The following LARGE1 variants were observed in gnomAD, a reference collection of about 807,000 sequenced individuals.
LARGE1 encodes the protein xylosyl- and glucuronyltransferase LARGE1.
In LARGE1, 43 loss-of-function variants were observed where a neutral mutation model predicts 87.6. The ratio of observed to expected loss-of-function variants is 0.49; its 90% CI spans 0.38 to 0.63. The LOEUF is 0.63. Among genes scored for constraint, LARGE1 ranks in the 30% least tolerant of loss-of-function variants. The pLI, the probability that LARGE1 is intolerant of heterozygous loss-of-function variation, is 0.00. For missense variants in LARGE1, 802 were observed against 1,000.2 expected, an observed-to-expected ratio of 0.80 and a Z score of 2.67; for synonymous variants, 434 against 394.6, an observed-to-expected ratio of 1.10 and a Z score of -1.18.
At chr22:33,745,780 T>A (rs2084058516) in intron 2 of LARGE1, among the ~76,000 whole-genome samples, 1 of 152,028 alleles carries the variant, frequency 6.6e-6, no homozygotes, top group Non-Finnish European at 1.5e-5. Flanking sequence ...TGAAAAGTGA[T>A]AAAAGACACA....
intron 7 of LARGE1, among the ~76,000 whole-genome samples, chr22:33,402,901 A>G (rs749841121): frequency 9.9e-5 from 15 of 152,164 alleles, no homozygotes; most frequent in Non-Finnish European, 1.8e-4. Context: ...TCTATTCCTT[A>G]TAACATCACA....
intron 11 of LARGE1, among the ~76,000 whole-genome samples, chr22:33,183,154 T>C (rs1043697959): frequency 6.6e-6 from 1 of 151,908 alleles, no homozygotes; most frequent in Non-Finnish European, 1.5e-5. Context: ...GTTAACCCAG[T>C]GAAAAACTGG....
chr22:33,200,253 A>G (rs1376705632), intron 11 of LARGE1, among the ~76,000 whole-genome samples: 6 of 152,236 alleles, frequency 3.9e-5, no homozygotes, highest in Non-Finnish European at 1.5e-5. Flanking sequence ...ATAGTAAATA[A>G]GTAAATTATA....
At chr22:33,399,429 A>T (rs1029483283) in intron 7 of LARGE1, among the ~76,000 whole-genome samples, 1 of 152,224 alleles carries the variant, frequency 6.6e-6, no homozygotes, top group African/African-American at 2.4e-5. Flanking sequence ...TATTGTAAAT[A>T]GTGCTGCAAT....
At chr22:33,436,185 C>A (rs1232934875) in intron 6 of LARGE1, among the ~76,000 whole-genome samples, 1 of 152,210 alleles carries the variant, frequency 6.6e-6, no homozygotes, top group Non-Finnish European at 1.5e-5. Context: ...CTTAACCTAT[C>A]TCTGCCTTGG....
At chr22:33,679,489 C>T (rs1214125337) in intron 2 of LARGE1, among the ~76,000 whole-genome samples, 4 of 152,176 alleles carry the variant, frequency 2.6e-5, no homozygotes, top group African/African-American at 4.8e-5. Context: ...CACACACACA[C>T]ACGAAGAATG....
the LARGE1 span, among the ~76,000 whole-genome samples, chr22:33,089,368 T>TC: frequency 7.2e-3 from 560 of 78,274 alleles, 7 homozygotes; most frequent in African/African-American, 0.024. Context: ...TTCTTCTTCT[T>TC]CTCCTTCTTC....
At position 33,834,554 on chromosome 22, in the gene LARGE1, A is replaced by C. The variant is rs199709571; in HGVS notation, c.-82-72996T>G. On this transcript the variant is annotated intron_variant, in intron 1 of 14. Coordinates refer to ENST00000397394, the MANE Select transcript of LARGE1 (RefSeq NM_133642.5). ...TTCCACTACCTACCCAAATCCTATA[A>C]AACAGCCCCACCCCATCTCCCTTCG... 6.6e-5 allele frequency among the ~76,000 whole-genome samples: 10 copies of C among 152,178 alleles called. No individual in the cohort carries two copies. In the East Asian group the frequency reaches 1.7e-3, roughly 27 times the overall value.
chr22:33,650,498 G>C lies in LARGE1; in HGVS notation c.277C>G (p.His93Asp). 1.2e-6 allele frequency: 2 copies of C among 1,613,592 alleles called. No individual in the cohort carries two copies. The highest frequency in any genetic ancestry group is 1.7e-6 in the Non-Finnish European group (2 of 1,180,032). ...GTCTTGGAGTGGTTGCCTCGGCGAT[G>C]GGATGGGGCTCGGCCCTGGGCCAGG... ...LSLAQGRAPS[H>D]RRGNHSKTYS... Residue 93 changes from histidine to aspartate, a missense_variant, in exon 3 of 15, where the codon CAT (histidine) becomes GAT (aspartate). Physicochemically the swap from His to Asp is moderately conservative, Grantham distance 81. Coordinates refer to ENST00000397394, the MANE Select transcript of LARGE1 (RefSeq NM_133642.5).
intron 1 of LARGE1, among the ~76,000 whole-genome samples, chr22:33,823,175 C>T (rs1392215646): frequency 6.6e-6 from 1 of 152,202 alleles, no homozygotes; most frequent in East Asian, 1.9e-4. Flanking sequence ...CATGACTCAA[C>T]AGTCTAGAGG....
At chr22:33,828,987 C>T (rs73171931) in intron 1 of LARGE1, among the ~76,000 whole-genome samples, 4,124 of 144,322 alleles carry the variant, frequency 0.029, 72 homozygotes, top group Middle Eastern at 0.053. Context: ...CTCAGAGATG[C>T]TTTGTGAAGT....
the LARGE1 span, among the ~76,000 whole-genome samples, chr22:33,144,137 C>T: frequency 6.6e-6 from 1 of 152,080 alleles, no homozygotes; most frequent in Admixed American, 6.6e-5. Flanking sequence ...TTTATAACTT[C>T]ACTTCGATTT....
the LARGE1 span, among the ~76,000 whole-genome samples, chr22:33,070,137 A>C: frequency 6.6e-6 from 1 of 152,150 alleles, no homozygotes; most frequent in Non-Finnish European, 1.5e-5. Flanking sequence ...TTACATTCTT[A>C]ATAATGTCTG....
At chr22:33,321,873 C>T (rs2146364699) in intron 10 of LARGE1, among the ~76,000 whole-genome samples, 1 of 152,284 alleles carries the variant, frequency 6.6e-6, no homozygotes, top group East Asian at 1.9e-4. Context: ...GGTTGGAGTA[C>T]AGTGGCACGA....
At chr22:33,741,595 G>A (rs1459719267) in intron 2 of LARGE1, among the ~76,000 whole-genome samples, 3 of 152,240 alleles carry the variant, frequency 2.0e-5, no homozygotes, top group Non-Finnish European at 2.9e-5. Flanking sequence ...CGCTGGGCTT[G>A]GAGTTGCGAG....
At chr22:33,134,360 G>T in the LARGE1 span, among the ~76,000 whole-genome samples, 1 of 149,278 alleles carries the variant, frequency 6.7e-6, no homozygotes, top group African/African-American at 2.5e-5. Context: ...CCGGGTTCAC[G>T]CCATTCTCCT....
At chr22:33,816,273 T>C (rs1250985917) in intron 1 of LARGE1, among the ~76,000 whole-genome samples, 4 of 152,202 alleles carry the variant, frequency 2.6e-5, no homozygotes, top group African/African-American at 9.6e-5. Flanking sequence ...AGGCAGACTC[T>C]TAATTTGTTC....
chr22:33,752,992 C>A (rs1052154554), intron 2 of LARGE1, among the ~76,000 whole-genome samples: 6 of 152,110 alleles, frequency 3.9e-5, no homozygotes, highest in Admixed American at 2.6e-4. Context: ...GAGGCCAAGG[C>A]GGGTGGATCA....
intron 2 of LARGE1, among the ~76,000 whole-genome samples, chr22:33,736,023 G>C (rs2083643677): frequency 6.6e-6 from 1 of 152,122 alleles, no homozygotes; most frequent in Non-Finnish European, 1.5e-5. Context: ...ACCACATTTT[G>C]TTTATCCATT....
Sources: allele counts gnomAD v4.1 joint callset (sites outside exome capture counted in the v4.1 genomes callset), GRCh38; gene constraint gnomAD v4.1.1; transcripts MANE v1.5; gene names NCBI Gene and HGNC (gene_info 2026-07-23, HGNC 2026-07-21).